MILR1: variants seen among roughly 807,000 people sequenced by gnomAD.
The protein encoded by MILR1 is mast cell immunoglobulin like receptor 1.
MILR1 carries 31 observed loss-of-function variants against 18.5 expected under a neutral mutation model. That is an observed-to-expected ratio of 1.68 (90% CI 1.26 to 2.26). MILR1 has a LOEUF of 2.26. Ranked by LOEUF, MILR1 falls within the 30% of genes most tolerant of loss-of-function variation. The pLI, the probability that MILR1 is intolerant of heterozygous loss-of-function variation, is 0.00. For missense variants in MILR1, 257 were observed against 157.4 expected (o/e 1.63, Z -3.38); for synonymous variants, 85 against 56.2 (o/e 1.51, Z -2.30).
intron 5 of MILR1, among the ~76,000 whole-genome samples, chr17:64,463,559 A>T (rs973363089): frequency 3.9e-5 from 6 of 152,210 alleles, no homozygotes; most frequent in African/African-American, 1.4e-4. Flanking sequence ...AAGAGAACCA[A>T]TTGAGAACCA....
the MILR1 span, chr17:64,485,770 C>G: frequency 6.2e-7 from 1 of 1,613,214 alleles, no homozygotes; most frequent in Non-Finnish European, 8.5e-7. Context: ...AGTTCTCTGT[C>G]AGCTGGAAAG....
At chr17:64,467,358 G>A (rs1477581004) in intron 8 of MILR1, among the ~76,000 whole-genome samples, 1 of 149,984 alleles carries the variant, frequency 6.7e-6, no homozygotes, top group African/African-American at 2.5e-5. Context: ...CAATCTTCCT[G>A]CCTCGGCCTC....
At chr17:64,463,035 T>A (rs1008593114) in intron 5 of MILR1, among the ~76,000 whole-genome samples, 19 of 152,058 alleles carry the variant, frequency 1.2e-4, no homozygotes, top group African/African-American at 4.1e-4. Flanking sequence ...TAAGATTTTT[T>A]AAAAAACTTT....
chr17:64,464,457 C>T (rs2037504473), intron 5 of MILR1, among the ~76,000 whole-genome samples: 1 of 151,790 alleles, frequency 6.6e-6, no homozygotes. Context: ...CCAGGGTGGT[C>T]TTGAATTCCT....
chr17:64,497,126 T>C, the MILR1 span: 7 of 756,736 alleles, frequency 9.3e-6, no homozygotes, highest in African/African-American at 1.7e-5. Flanking sequence ...CATGTCTGCG[T>C]TCCGGCCGCA....
the MILR1 span, among the ~76,000 whole-genome samples, chr17:64,479,267 T>C: frequency 6.9e-6 from 1 of 145,022 alleles, no homozygotes; most frequent in East Asian, 2.2e-4. Context: ...CACTGCAACC[T>C]CCGCCTCCTG....
chr17:64,456,595 G>A (rs2037306101), intron 3 of MILR1, among the ~76,000 whole-genome samples: 1 of 152,124 alleles, frequency 6.6e-6, no homozygotes. Flanking sequence ...AAAATCACTT[G>A]AAGCCAAGAG....
intron 4 of MILR1, among the ~76,000 whole-genome samples, chr17:64,459,441 A>AAAAG (rs2037373607): frequency 6.6e-6 from 1 of 152,186 alleles, no homozygotes; most frequent in South Asian, 2.1e-4. Flanking sequence ...TCTCAAAGAA[A>AAAAG]AAAGAAAAAG....
At chr17:64,481,215 G>C in the MILR1 span, 1 of 913,422 alleles carries the variant, frequency 1.1e-6, no homozygotes, top group Non-Finnish European at 1.3e-6. Flanking sequence ...GAGCTTCCTA[G>C]CTTATAAGGG....
intron 2 of MILR1, among the ~76,000 whole-genome samples, chr17:64,451,654 C>T (rs986908954): frequency 4.0e-5 from 6 of 151,874 alleles, no homozygotes; most frequent in African/African-American, 1.5e-4. Flanking sequence ...GTTTATATGG[C>T]GGGGCACAGT....
intron 5 of MILR1, among the ~76,000 whole-genome samples, chr17:64,462,763 C>T (rs991947844): frequency 0.025 from 3,785 of 151,800 alleles, 77 homozygotes; most frequent in Non-Finnish European, 0.036. Flanking sequence ...GCCTCAGCCT[C>T]CTGAGTAGCT....
intron 5 of MILR1, among the ~76,000 whole-genome samples, chr17:64,462,394 G>A (rs1261383863): frequency 6.6e-6 from 1 of 152,168 alleles, no homozygotes; most frequent in East Asian, 1.9e-4. Flanking sequence ...TTCGCACTGG[G>A]CGCTGCAAGT....
the MILR1 span, chr17:64,496,722 TGCTTCCACTTA>T: frequency 6.2e-7 from 1 of 1,614,070 alleles, no homozygotes; most frequent in South Asian, 1.1e-5. Flanking sequence ...AGCTGCTGCT[TGCTTCCACTTA>T]GGAAATGCCT....
chr17:64,485,369 T>C, the MILR1 span: 2 of 265,866 alleles, frequency 7.5e-6, no homozygotes, highest in South Asian at 8.2e-5. Context: ...GAGAGGTCAA[T>C]AGCACAGGTC....
At chr17:64,494,993 G>GA in the MILR1 span, among the ~76,000 whole-genome samples, 1 of 151,928 alleles carries the variant, frequency 6.6e-6, no homozygotes, top group African/African-American at 2.4e-5. Context: ...CTAACAAGGT[G>GA]AAACCCCGTC....
chr17:64,453,441 A>G (rs1435010234), intron 3 of MILR1, among the ~76,000 whole-genome samples: 1 of 151,520 alleles, frequency 6.6e-6, no homozygotes, highest in Non-Finnish European at 1.5e-5. Context: ...TAATAGTCTT[A>G]TATCTTTAGG....
chr17:64,494,552 A>G, the MILR1 span, among the ~76,000 whole-genome samples: 2 of 152,252 alleles, frequency 1.3e-5, no homozygotes, highest in East Asian at 3.9e-4. Context: ...TAGCTTCTGT[A>G]AAAACATAAG....
rs1344067115 is a variant in MILR1 at position 64,454,459 on chromosome 17, T to A, written c.367+1593T>A. Among the ~76,000 whole-genome samples, 9 of 152,338 alleles carry A rather than the reference T, an allele frequency of 5.9e-5. No individual in the cohort carries two copies. In the East Asian group the frequency reaches 1.2e-3, roughly 20 times the overall value. On this transcript the variant is annotated intron_variant, in intron 3 of 9. Transcript: ENST00000619286. Reference sequence around the variant, plus strand: ...TCTCAGTTACATTTCAAGGCTTTGATAGCCACACCTGTAGCTGGTGGCTGC... The same window carrying A: ...TCTCAGTTACATTTCAAGGCTTTGAAAGCCACACCTGTAGCTGGTGGCTGC...
At chr17:64,473,290 G>T (rs1555664951), downstream of MILR1, among the ~76,000 whole-genome samples, 1 of 150,830 alleles carries the variant, frequency 6.6e-6, no homozygotes, top group Admixed American at 6.6e-5. Context: ...GGCGGAGCTT[G>T]CAGTGAGCCC....
Sources: gnomAD v4.1 joint callset for allele counts (sites outside exome capture counted in the v4.1 genomes callset) on GRCh38, gnomAD v4.1.1 for gene constraint, MANE v1.5 for transcripts, NCBI Gene and HGNC (gene_info 2026-07-23, HGNC 2026-07-21) for gene names.